The following NTM variants were observed in gnomAD, a reference collection of about 807,000 sequenced individuals.
NTM encodes the protein IgLON family member 2.
A neutral mutation model predicts 42.1 loss-of-function variants in NTM; 13 were observed. That is an observed-to-expected ratio of 0.31 (90% confidence interval 0.20 to 0.49). The LOEUF (loss-of-function observed/expected upper bound fraction) is 0.49. NTM is among the 20% of genes least tolerant of loss of function. The probability of loss-of-function intolerance (pLI) is 0.99; values close to 1 mark genes in which losing one functional copy is unlikely to be tolerated. For missense variants in NTM, 373 were observed against 452.8 expected (o/e 0.82, Z 1.60); for synonymous variants, 187 against 179.2 (o/e 1.04, Z -0.35).
rs573164883 is a variant in NTM at position 131,974,073 on chromosome 11, TTTCTC to T, written c.167+62427_167+62431del. Among the ~76,000 whole-genome samples, 5 of 137,272 alleles carry T rather than the reference TTTCTC, an allele frequency of 3.6e-5. No homozygotes were observed. The South Asian group carries it at 1.1e-3, about 31-fold the overall frequency. The allele number at this position is 137,272 out of a possible 152,430, so 90.1% of individuals were successfully genotyped here. ...TGTTATTTTCTTAATAACATTTTCT[TTTCTC>T]TAGCTTACTTTATTTTAATAATACA... On this transcript the variant is annotated intron_variant, in intron 2 of 8. Transcript: ENST00000683400.
intron 2 of NTM, among the ~76,000 whole-genome samples, chr11:132,130,317 T>C (rs1013176086): frequency 6.6e-6 from 1 of 151,864 alleles, no homozygotes; most frequent in African/African-American, 2.4e-5. Flanking sequence ...TCAGAGAAAG[T>C]CATAAGATCA....
chr11:132,143,601 T>C (rs1650851229), intron 2 of NTM, among the ~76,000 whole-genome samples: 1 of 152,174 alleles, frequency 6.6e-6, no homozygotes, highest in African/African-American at 2.4e-5. Flanking sequence ...GATAAAATAG[T>C]ACACATAGTG....
chr11:131,395,101 A>G (rs969242350), intron 1 of NTM, among the ~76,000 whole-genome samples: 3 of 152,104 alleles, frequency 2.0e-5, no homozygotes, highest in African/African-American at 4.8e-5. Flanking sequence ...CTGCCTTCAC[A>G]TGACCCCTGC....
At chr11:131,451,489 G>A (rs1052593561) in intron 1 of NTM, among the ~76,000 whole-genome samples, 1 of 152,102 alleles carries the variant, frequency 6.6e-6, no homozygotes, top group African/African-American at 2.4e-5. Context: ...GAGCGAGACT[G>A]GGGGTGCAGC....
At chr11:131,410,817 G>A (rs1946321890) in intron 1 of NTM, among the ~76,000 whole-genome samples, 1 of 152,118 alleles carries the variant, frequency 6.6e-6, no homozygotes, top group Admixed American at 6.5e-5. Flanking sequence ...AAACATGTGG[G>A]AGTTATTTAT....
chr11:131,716,353 A>G (rs953633741), intron 1 of NTM, among the ~76,000 whole-genome samples: 2 of 152,168 alleles, frequency 1.3e-5, no homozygotes, highest in African/African-American at 4.8e-5. Context: ...ACCATAGCCT[A>G]AGGTCATATG....
At position 131,889,389 on chromosome 11, in the gene NTM, G is replaced by A. The variant is rs530193559; in HGVS notation, c.83-22175G>A. 1.4e-4 allele frequency among the ~76,000 whole-genome samples: 21 copies of A among 152,310 alleles called. 1 individual carries two copies. The highest frequency in any genetic ancestry group is 5.1e-4 in the African/African-American group (21 of 41,574). On this transcript the variant is annotated intron_variant, in intron 1 of 8. Transcript: ENST00000683400. The stretch of plus-strand genomic sequence containing the variant: ...GGCCACACCCCAGCCCATACCCCCA[G>A]CCAGGCTGGCCTCACACATCACGCC...
intron 1 of NTM, among the ~76,000 whole-genome samples, chr11:131,806,744 A>T (rs910532610): frequency 6.6e-6 from 1 of 152,136 alleles, no homozygotes; most frequent in African/African-American, 2.4e-5. Flanking sequence ...CAGATGACAC[A>T]CACTCTCTGA....
chr11:131,853,269 G>A (rs1257871110), intron 1 of NTM, among the ~76,000 whole-genome samples: 2 of 152,086 alleles, frequency 1.3e-5, no homozygotes, highest in Non-Finnish European at 2.9e-5. Context: ...GGGTACATAT[G>A]CAGGATGTGC....
intron 1 of NTM, among the ~76,000 whole-genome samples, chr11:131,508,965 A>C (rs4345974): frequency 6.7e-6 from 1 of 149,158 alleles, no homozygotes; most frequent in Non-Finnish European, 1.5e-5. Context: ...CAGCGCACCA[A>C]CATGGCACAT....
intron 2 of NTM, among the ~76,000 whole-genome samples, chr11:132,033,345 G>C (rs1039747489): frequency 1.3e-5 from 2 of 152,226 alleles, no homozygotes; most frequent in Non-Finnish European, 2.9e-5. Context: ...AATCTGCCTA[G>C]CTGAAGAGAT....
At chr11:132,139,113 C>T (rs2068574193) in intron 2 of NTM, among the ~76,000 whole-genome samples, 1 of 152,062 alleles carries the variant, frequency 6.6e-6, no homozygotes, top group Non-Finnish European at 1.5e-5. Context: ...ATTCCAGAGA[C>T]CACTCTTCTG....
At chr11:132,319,387 G>A (rs111723355) in intron 7 of NTM, among the ~76,000 whole-genome samples, 1,532 of 152,280 alleles carry the variant, frequency 0.01, 18 homozygotes, top group African/African-American at 0.034. Context: ...AGCAGTGACC[G>A]TCGGCACCTG....
intron 1 of NTM, among the ~76,000 whole-genome samples, chr11:131,585,290 G>C (rs896516809): frequency 6.6e-6 from 1 of 151,970 alleles, no homozygotes; most frequent in African/African-American, 2.4e-5. Context: ...GAATTCTTTC[G>C]TCAGATCTGC....
At chr11:131,965,120 A>G (rs918247012) in intron 2 of NTM, among the ~76,000 whole-genome samples, 1 of 152,100 alleles carries the variant, frequency 6.6e-6, no homozygotes, top group African/African-American at 2.4e-5. Context: ...AATGAGGGAG[A>G]CAGGAGCTCC....
intron 3 of NTM, among the ~76,000 whole-genome samples, chr11:132,150,955 C>A (rs894630795): frequency 6.6e-6 from 1 of 152,258 alleles, no homozygotes; most frequent in South Asian, 2.1e-4. Flanking sequence ...GTAAGAAATA[C>A]CACCCGTGGA....
chr11:132,275,448 A>G (rs2093667245), intron 4 of NTM, among the ~76,000 whole-genome samples: 2 of 151,982 alleles, frequency 1.3e-5, no homozygotes, highest in African/African-American at 4.8e-5. Context: ...CTTTCTAGTA[A>G]GGACTTAATG....
rs1418122157 is a variant in NTM, at chr11:132,336,674, T to C, written c.*1528T>C. On this transcript the variant is annotated 3_prime_UTR_variant, in exon 9 of 9. Transcript: ENST00000683400. ...GAAAATGCAATTTTTAGGTAATCTT[T>C]TTTTTTTTTCCCCTCCCCTGAAAGT... is the stretch of plus-strand genomic sequence containing the variant. 5.9e-5 allele frequency: 9 copies of C among 152,058 alleles called. No individual in the cohort carries two copies. Among genetic ancestry groups the C allele is most frequent in the Non-Finnish European group, 1.5e-5 (1 of 67,910 alleles). The allele number at this position is 152,058 out of a possible 1,614,324, so 9.4% of individuals were successfully genotyped here. A position where few individuals can be genotyped will look rare whatever the true frequency, so the allele number is the denominator to read the frequency against.
At chr11:131,443,617 C>T (rs1167105025) in intron 1 of NTM, among the ~76,000 whole-genome samples, 2 of 152,162 alleles carry the variant, frequency 1.3e-5, no homozygotes, top group African/African-American at 4.8e-5. Flanking sequence ...GATCTCCATG[C>T]CCTGTGTTAT....
Sources: allele counts gnomAD v4.1 joint callset (sites outside exome capture counted in the v4.1 genomes callset), GRCh38; gene constraint gnomAD v4.1.1; transcripts MANE v1.5; gene names NCBI Gene and HGNC (gene_info 2026-07-23, HGNC 2026-07-21).